The following GABRA4 variants were observed in gnomAD, a reference collection of about 807,000 sequenced individuals.
GABRA4 encodes the protein gamma-aminobutyric acid receptor subunit alpha-4.
A neutral mutation model predicts 49.7 loss-of-function variants in GABRA4; 12 were observed. The observed-to-expected ratio is 0.24, with a 90% CI of 0.15 to 0.39. GABRA4 has a LOEUF of 0.39. Among genes scored for constraint, GABRA4 ranks in the 10% least tolerant of loss-of-function variants. The pLI is 1.00. For missense variants in GABRA4, 506 were observed against 686.0 expected, an observed-to-expected ratio of 0.74 and a Z score of 2.93; for synonymous variants, 288 against 240.2, an observed-to-expected ratio of 1.20 and a Z score of -1.84.
At chr4:46,950,121 G>A (rs1197694866) in intron 8 of GABRA4, among the ~76,000 whole-genome samples, 1 of 152,140 alleles carries the variant, frequency 6.6e-6, no homozygotes, top group African/African-American at 2.4e-5. Flanking sequence ...AGCACAGTGG[G>A]TTTCTTGCTT....
At chr4:46,951,097 T>C (rs1357967011) in intron 8 of GABRA4, among the ~76,000 whole-genome samples, 3 of 152,014 alleles carry the variant, frequency 2.0e-5, no homozygotes, top group Non-Finnish European at 4.4e-5. Flanking sequence ...GGAATAGCAC[T>C]TGCTTCATAT....
intron 6 of GABRA4, 24 bp downstream of exon 6, chr4:46,974,208 G>A (rs539068828): frequency 4.3e-5 from 69 of 1,589,936 alleles, no homozygotes; most frequent in South Asian, 6.9e-5. Context: ...GTAGCATGTC[G>A]GCTTTAATCA....
chr4:46,974,520 C>T, intron 5 of GABRA4, 145 bp from the exon 6 acceptor site: 1 of 735,646 alleles, frequency 1.4e-6, no homozygotes, highest in South Asian at 3.8e-5. Flanking sequence ...TAATTTAGTT[C>T]ACTATAATTT....
chr4:46,963,457 T>C (rs1037625160), intron 8 of GABRA4, among the ~76,000 whole-genome samples: 4 of 151,798 alleles, frequency 2.6e-5, no homozygotes, highest in Non-Finnish European at 5.9e-5. Context: ...CCAGATCTGA[T>C]GGGCTTATCA....
rs1721255495 is a variant in GABRA4 at position 46,927,043 on chromosome 4, G to A, written c.*1182C>T. ...ACTAGCTAATATCTAGATCTATCTT[G>A]GGGAAAGCACCTGAAAAAGCCTGTG... On this transcript the variant is annotated 3_prime_UTR_variant, in exon 9 of 9. Coordinates refer to ENST00000264318, the MANE Select transcript of GABRA4 (RefSeq NM_000809.4). 1 of 151,818 alleles carries A rather than the reference G, an allele frequency of 6.6e-6. No homozygotes were observed. Among genetic ancestry groups the A allele is most frequent in the Non-Finnish European group, 1.5e-5 (1 of 67,880 alleles). The allele number at this position is 151,818 out of a possible 1,614,324, so 9.4% of individuals were successfully genotyped here. A position where few individuals can be genotyped will look rare whatever the true frequency, so the allele number is the denominator to read the frequency against.
intron 2 of GABRA4, 71 bp from the exon 3 acceptor site, chr4:46,979,169 T>G: frequency 1.1e-6 from 1 of 922,852 alleles, no homozygotes; most frequent in East Asian, 2.4e-5. Flanking sequence ...GTTAGATAAT[T>G]ACAGAGTAAA....
At chr4:46,976,308 A>T (rs1723136396) in intron 5 of GABRA4, among the ~76,000 whole-genome samples, 2 of 113,594 alleles carry the variant, frequency 1.8e-5, no homozygotes, top group Admixed American at 2.7e-4. Flanking sequence ...AACAGCCTCC[A>T]TTTCTTCTCT....
Position 46,919,409 on chromosome 4 carries a change from A to C in GABRA4, c.*8816T>G, listed in dbSNP as rs1720892009. ...TTCAGGGAGTCAAATGTGATTACTA[A>C]AACCTCAAGAAATGTGTTCTTGAGG... On this transcript the variant is annotated 3_prime_UTR_variant, in exon 9 of 9. Coordinates refer to ENST00000264318, the MANE Select transcript of GABRA4 (RefSeq NM_000809.4). The C allele has an allele frequency of 6.6e-6, 1 of 151,576 alleles. No homozygotes were observed. Among genetic ancestry groups the C allele is most frequent in the African/African-American group, 2.4e-5 (1 of 41,406 alleles). The allele number at this position is 151,576 out of a possible 1,614,324, so 9.4% of individuals were successfully genotyped here. A position where few individuals can be genotyped will look rare whatever the true frequency, so the allele number is the denominator to read the frequency against.
At chr4:46,955,751 G>A (rs1463279963) in intron 8 of GABRA4, among the ~76,000 whole-genome samples, 2 of 152,022 alleles carry the variant, frequency 1.3e-5, no homozygotes, top group Non-Finnish European at 2.9e-5. Flanking sequence ...CAGGTTTAAG[G>A]TGGCAGTAAA....
intron 2 of GABRA4, among the ~76,000 whole-genome samples, chr4:46,980,280 G>A (rs1723305462): frequency 6.6e-6 from 1 of 151,570 alleles, no homozygotes; most frequent in Non-Finnish European, 1.5e-5. Context: ...TATAGCCAGA[G>A]GCTAGATATT....
At chr4:46,978,399 A>G (rs541350973) in intron 3 of GABRA4, among the ~76,000 whole-genome samples, 1 of 152,118 alleles carries the variant, frequency 6.6e-6, no homozygotes, top group East Asian at 1.9e-4. Flanking sequence ...TTTCCTAAAG[A>G]AAAAACAGCC....
intron 8 of GABRA4, among the ~76,000 whole-genome samples, chr4:46,949,679 AT>A (rs1436432260): frequency 6.6e-6 from 1 of 152,140 alleles, no homozygotes; most frequent in Admixed American, 6.6e-5. Flanking sequence ...ATTTGTAGTA[AT>A]GAATTTGATA....
chr4:46,947,695 C>T (rs1381846223), intron 8 of GABRA4, among the ~76,000 whole-genome samples: 1 of 151,970 alleles, frequency 6.6e-6, no homozygotes, highest in Admixed American at 6.6e-5. Context: ...AAGTCAAGAT[C>T]TTGGCTGACA....
intron 8 of GABRA4, among the ~76,000 whole-genome samples, chr4:46,950,751 C>T (rs1386839002): frequency 1.7e-5 from 1 of 60,144 alleles, no homozygotes; most frequent in Non-Finnish European, 3.8e-5. Flanking sequence ...AAATAAATTA[C>T]TATATGCTTG....
In GABRA4 at chr4:46,993,541, A is replaced by G. The variant is rs931558703; in HGVS notation, c.-117T>C. 1.5e-5 allele frequency: 16 copies of G among 1,095,662 alleles called. No homozygotes were observed. The highest frequency in any genetic ancestry group is 2.2e-5 in the Non-Finnish European group (16 of 743,086). The allele number at this position is 1,095,662 out of a possible 1,614,324, so 67.9% of individuals were successfully genotyped here. A position where few individuals can be genotyped will look rare whatever the true frequency, so the allele number is the denominator to read the frequency against. On this transcript the variant is annotated 5_prime_UTR_variant, in exon 1 of 9. Transcript: ENST00000264318. ...GCGGCGTGCGCACACTCGCGCTCAC[A>G]CTCGCCCGCGCTCAGCCAGCCCGAG...
chr4:46,957,502 A>G (rs942218692), intron 8 of GABRA4, among the ~76,000 whole-genome samples: 2 of 152,018 alleles, frequency 1.3e-5, no homozygotes, highest in African/African-American at 4.8e-5. Context: ...CAAAAAGGAG[A>G]TGCATACAGT....
chr4:46,992,345 T>C (rs1723785440), intron 2 of GABRA4, among the ~76,000 whole-genome samples: 1 of 152,212 alleles, frequency 6.6e-6, no homozygotes. Context: ...CTGGGTTCTC[T>C]AGCAGAGCAG....
At position 46,923,883 on chromosome 4, in the gene GABRA4, C is replaced by T. The variant is rs1324271123; in HGVS notation, c.*4342G>A. The T allele has an allele frequency of 6.6e-5, 10 of 152,112 alleles. No individual in the cohort carries two copies. The highest frequency in any genetic ancestry group is 5.9e-4 in the Admixed American group (9 of 15,244). The allele number at this position is 152,112 out of a possible 1,614,324, so 9.4% of individuals were successfully genotyped here. On this transcript the variant is annotated 3_prime_UTR_variant, in exon 9 of 9. Transcript: ENST00000264318. ...AACAACTCTCACTTCCCTGCATTCA[C>T]CCTTACCTCCAAACACAGAACTAAG...
chr4:46,973,478 G>A (rs879111171), intron 6 of GABRA4, among the ~76,000 whole-genome samples: 1 of 151,718 alleles, frequency 6.6e-6, no homozygotes, highest in African/African-American at 2.4e-5. Context: ...AGACTTGTCA[G>A]CCTCCTGAAC....
Sources: gnomAD v4.1 joint callset for allele counts (sites outside exome capture counted in the v4.1 genomes callset) on GRCh38, gnomAD v4.1.1 for gene constraint, MANE v1.5 for transcripts, NCBI Gene and HGNC (gene_info 2026-07-23, HGNC 2026-07-21) for gene names.